Variants in PRKACB observed in about 807,000 individuals in gnomAD.
PRKACB encodes protein kinase cAMP-activated catalytic subunit beta, also known as cAMP-dependent protein kinase catalytic subunit beta.
PRKACB carries 16 observed loss-of-function variants against 51.4 expected under a neutral mutation model. That is an observed-to-expected ratio of 0.31 (90% CI 0.21 to 0.47). The LOEUF (loss-of-function observed/expected upper bound fraction) is 0.47, where lower values mean the gene tolerates loss of function less well. Among genes scored for constraint, PRKACB ranks in the 20% least tolerant of loss-of-function variants. The pLI is 1.00. For synonymous variants in PRKACB, 147 were observed against 154.4 expected (o/e 0.95, Z 0.35); for missense variants, 309 against 464.5 (o/e 0.67, Z 3.08).
At chr1:84,189,217 G>T (rs1008757210) in intron 5 of PRKACB, among the ~76,000 whole-genome samples, 1 of 151,794 alleles carries the variant, frequency 6.6e-6, no homozygotes, top group African/African-American at 2.4e-5. Context: ...GGAAGAATGT[G>T]TCCAGGGTTA....
chr1:84,227,547 G>C (rs1674834741), intron 9 of PRKACB, among the ~76,000 whole-genome samples: 1 of 152,038 alleles, frequency 6.6e-6, no homozygotes, highest in Admixed American at 6.6e-5. Context: ...CCTATTATGT[G>C]TTTAATTTTT....
At chr1:84,081,018 A>T (rs530401204) in intron 1 of PRKACB, among the ~76,000 whole-genome samples, 3 of 152,346 alleles carry the variant, frequency 2.0e-5, no homozygotes, top group Admixed American at 1.3e-4. Context: ...AAAGGCAAAA[A>T]TACAAGTGCT....
chr1:84,154,710 A>T (rs978906784), intron 1 of PRKACB, among the ~76,000 whole-genome samples: 6 of 152,142 alleles, frequency 3.9e-5, no homozygotes, highest in African/African-American at 1.4e-4. Context: ...AGGATGATAC[A>T]CCACAATCGA....
chr1:84,180,204 A>ATATATATATATATATATATG lies in PRKACB; in HGVS notation c.249+971_249+972insATATATATATATATGTATAT, dbSNP rs1347501164. 3.4e-4 allele frequency among the ~76,000 whole-genome samples: 42 copies of ATATATATATATATATATATG among 124,002 alleles called. 1 individual carries two copies. Among genetic ancestry groups the ATATATATATATATATATATG allele is most frequent in the African/African-American group, 8.6e-4 (30 of 34,986 alleles). The allele number at this position is 124,002 out of a possible 152,430, so 81.4% of individuals were successfully genotyped here. ...CTGTGATATATATATATATATATAT[A>ATATATATATATATATATATG]TATATGTATGATGGAGTACTATGCA... is the stretch of plus-strand genomic sequence containing the variant. On this transcript the variant is annotated intron_variant, in intron 2 of 9. Transcript: ENST00000370685.
chr1:84,225,808 A>C (rs1349784390), intron 9 of PRKACB, among the ~76,000 whole-genome samples: 2 of 152,146 alleles, frequency 1.3e-5, no homozygotes, highest in African/African-American at 4.8e-5. Flanking sequence ...CCCATACTGG[A>C]GAACCTCTTG....
At chr1:84,175,185 A>ACT in intron 1 of PRKACB, 1 of 912,082 alleles carries the variant, frequency 1.1e-6, no homozygotes, top group Non-Finnish European at 1.5e-6. Context: ...ATTTTCATTG[A>ACT]TGAAGGAAAT....
chr1:84,187,738 T>G (rs915750693), intron 5 of PRKACB, among the ~76,000 whole-genome samples: 2 of 152,178 alleles, frequency 1.3e-5, no homozygotes, highest in African/African-American at 2.4e-5. Flanking sequence ...AGGTATATTA[T>G]AGTTATTCTT....
At chr1:84,160,620 C>T (rs1308819672) in intron 1 of PRKACB, among the ~76,000 whole-genome samples, 1 of 148,848 alleles carries the variant, frequency 6.7e-6, no homozygotes, top group African/African-American at 2.4e-5. Context: ...TGGAACTTTT[C>T]TATTTTACTC....
At chr1:84,123,952 C>T (rs1331984125) in intron 1 of PRKACB, among the ~76,000 whole-genome samples, 1 of 152,058 alleles carries the variant, frequency 6.6e-6, no homozygotes, top group African/African-American at 2.4e-5. Flanking sequence ...AAATTGAAGA[C>T]TGGAAATGCA....
chr1:84,090,083 A>G (rs1011396916), intron 1 of PRKACB, among the ~76,000 whole-genome samples: 2 of 152,190 alleles, frequency 1.3e-5, no homozygotes, highest in African/African-American at 4.8e-5. Flanking sequence ...ATTTACTATC[A>G]TCAACCTCAA....
At chr1:84,188,868 G>A (rs1417944519) in intron 5 of PRKACB, among the ~76,000 whole-genome samples, 2 of 151,774 alleles carry the variant, frequency 1.3e-5, no homozygotes, top group Non-Finnish European at 2.9e-5. Context: ...AAAACCCTTG[G>A]TCAAAACGGA....
intron 8 of PRKACB, chr1:84,204,772 C>A: frequency 1.1e-6 from 1 of 895,788 alleles, no homozygotes; most frequent in Non-Finnish European, 1.4e-6. Context: ...ATAAGAAATC[C>A]AATTTTCTAA....
At position 84,189,256 on chromosome 1, in the gene PRKACB, A is replaced by T. The variant is rs187786607; in HGVS notation, c.560+4074A>T. Among the ~76,000 whole-genome samples the T allele has an allele frequency of 3.1e-3, 477 of 151,998 alleles. 5 individuals carry two copies. Among genetic ancestry groups the T allele is most frequent in the African/African-American group, 0.011 (456 of 41,532 alleles). On this transcript the variant is annotated intron_variant, in intron 5 of 9. Coordinates refer to ENST00000370685, the MANE Select transcript of PRKACB (RefSeq NM_182948.4). ...AGTGTACACTGTGTTATAGAAAAAT[A>T]TGAACAAGAAGAGGACTATCTTGAG...
chr1:84,078,316 C>T, exon 1 of PRKACB: 1 of 1,609,818 alleles, frequency 6.2e-7, no homozygotes, highest in Non-Finnish European at 8.5e-7. Flanking sequence ...TTCTTGCCAT[C>T]GCCCCAGACA....
chr1:84,120,453 A>G (rs145605180), intron 1 of PRKACB, among the ~76,000 whole-genome samples: 1 of 152,250 alleles, frequency 6.6e-6, no homozygotes, highest in African/African-American at 2.4e-5. Flanking sequence ...GGAAGAAAAT[A>G]TAGGAGATGG....
intron 4 of PRKACB, among the ~76,000 whole-genome samples, 164 bp downstream of exon 4, chr1:84,184,299 G>A (rs1163536900): frequency 6.6e-6 from 1 of 151,732 alleles, no homozygotes; most frequent in East Asian, 1.9e-4. Flanking sequence ...TTATAACTTA[G>A]GTAACGTTTG....
At chr1:84,174,768 G>A (rs1219384283) in intron 1 of PRKACB, among the ~76,000 whole-genome samples, 1 of 151,882 alleles carries the variant, frequency 6.6e-6, no homozygotes, top group East Asian at 1.9e-4. Context: ...GAGGACTATT[G>A]TTGTGAGAAC....
In PRKACB at chr1:84,104,348, A is replaced by G. The variant is rs555687056; in HGVS notation, c.46+25977A>G. 4.1e-3 allele frequency among the ~76,000 whole-genome samples: 618 copies of G among 152,252 alleles called. 2 individuals are homozygous for G. Among genetic ancestry groups the G allele is most frequent in the African/African-American group, 0.014 (578 of 41,538 alleles). ...GTCTAAATAGTAGGTCATTGTTTAT[A>G]TACATATATATACACTTTCTTTTTC... On this transcript the variant is annotated intron_variant, in intron 1 of 8. Transcript: ENST00000370688.
At chr1:84,199,584 G>A (rs1202166132) in intron 7 of PRKACB, among the ~76,000 whole-genome samples, 2 of 152,088 alleles carry the variant, frequency 1.3e-5, no homozygotes, top group African/African-American at 4.8e-5. Flanking sequence ...CCATGTCTTT[G>A]CTTTTGTGAA....
Sources: allele counts gnomAD v4.1 joint callset (sites outside exome capture counted in the v4.1 genomes callset), GRCh38; gene constraint gnomAD v4.1.1; transcripts MANE v1.5; gene names NCBI Gene and HGNC (gene_info 2026-07-23, HGNC 2026-07-21).